The following ENTREP2 variants were observed in gnomAD, a reference collection of about 807,000 sequenced individuals.
ENTREP2 encodes endosomal transmembrane epsin interactor 2.
chr15:29,526,699 G>A, the ENTREP2 span, among the ~76,000 whole-genome samples: 1 of 151,588 alleles, frequency 6.6e-6, no homozygotes, highest in East Asian at 1.9e-4. Flanking sequence ...CAAACTCCTG[G>A]GCCATAGCAA....
the ENTREP2 span, among the ~76,000 whole-genome samples, chr15:29,600,471 A>ATCATCATC: frequency 1.8e-5 from 2 of 109,780 alleles, no homozygotes; most frequent in African/African-American, 6.4e-5. Context: ...CATCATCATC[A>ATCATCATC]ATCATCATCA....
At chr15:29,332,092 A>G in the ENTREP2 span, among the ~76,000 whole-genome samples, 1 of 152,224 alleles carries the variant, frequency 6.6e-6, no homozygotes, top group African/African-American at 2.4e-5. Flanking sequence ...GCACTGCTCA[A>G]TAGGCAAAAC....
chr15:29,548,764 TC>T, the ENTREP2 span, among the ~76,000 whole-genome samples: 6 of 152,320 alleles, frequency 3.9e-5, 1 homozygote, highest in East Asian at 1.2e-3. Context: ...GTTATATTTT[TC>T]ATCATAAGAG....
chr15:29,275,765 T>C, the ENTREP2 span, among the ~76,000 whole-genome samples: 1 of 152,200 alleles, frequency 6.6e-6, no homozygotes, highest in Non-Finnish European at 1.5e-5. Context: ...TTCTTGTGAA[T>C]CAGAAAAAGG....
the ENTREP2 span, among the ~76,000 whole-genome samples, chr15:29,518,402 T>C: frequency 6.6e-3 from 1,008 of 152,192 alleles, 7 homozygotes; most frequent in African/African-American, 0.023. Context: ...ATTCATAAAT[T>C]TTCACAACAA....
At chr15:29,570,531 A>G in the ENTREP2 span, 1 of 1,453,094 alleles carries the variant, frequency 6.9e-7, no homozygotes, top group Non-Finnish European at 9.1e-7. Flanking sequence ...AAGGGGCAGG[A>G]GTGGCGGACG....
At chr15:29,231,885 C>CTTTTTTTTTTTTTTTTTT in the ENTREP2 span, among the ~76,000 whole-genome samples, 11 of 129,974 alleles carry the variant, frequency 8.5e-5, 1 homozygote, top group East Asian at 1.2e-3. Context: ...GTTTTCTTTT[C>CTTTTTTTTTTTTTTTTTT]TTTTCTTTCT....
At chr15:29,493,122 AC>A in the ENTREP2 span, among the ~76,000 whole-genome samples, 123 of 125,748 alleles carry the variant, frequency 9.8e-4, 1 homozygote, top group African/African-American at 3.8e-3. Context: ...TTCCCTGACA[AC>A]CCTTTTTTTT....
the ENTREP2 span, among the ~76,000 whole-genome samples, chr15:29,345,427 G>A: frequency 6.6e-6 from 1 of 151,888 alleles, no homozygotes; most frequent in Non-Finnish European, 1.5e-5. Flanking sequence ...AGGGATGCTG[G>A]GCAAGCACAC....
the ENTREP2 span, among the ~76,000 whole-genome samples, chr15:29,572,015 A>G: frequency 6.6e-6 from 1 of 152,236 alleles, no homozygotes. Flanking sequence ...TAGAGAGTGT[A>G]GTCCCAAAAT....
chr15:29,636,230 C>T, the ENTREP2 span, among the ~76,000 whole-genome samples: 2 of 152,196 alleles, frequency 1.3e-5, no homozygotes, highest in African/African-American at 2.4e-5. Flanking sequence ...ATTTTCTCCT[C>T]CCCTCATGCC....
the ENTREP2 span, among the ~76,000 whole-genome samples, chr15:29,548,381 G>A: frequency 6.7e-6 from 1 of 150,252 alleles, no homozygotes; most frequent in Non-Finnish European, 1.5e-5. Context: ...GCTTAAACTT[G>A]GGAGACAGAG....
the ENTREP2 span, among the ~76,000 whole-genome samples, chr15:29,223,583 C>T: frequency 1.3e-5 from 2 of 152,190 alleles, no homozygotes; most frequent in African/African-American, 4.8e-5. Flanking sequence ...TAAAAATGAG[C>T]TATAAATCCG....
chr15:29,471,081 G>GT, the ENTREP2 span, among the ~76,000 whole-genome samples: 4 of 152,142 alleles, frequency 2.6e-5, no homozygotes, highest in Admixed American at 6.5e-5. Context: ...CAATGCACTG[G>GT]TTTTTTATAG....
At chr15:29,337,365 C>T in the ENTREP2 span, among the ~76,000 whole-genome samples, 1 of 152,092 alleles carries the variant, frequency 6.6e-6, no homozygotes, top group Non-Finnish European at 1.5e-5. Flanking sequence ...AGCTCCACCT[C>T]AGAGAGCTGG....
the ENTREP2 span, among the ~76,000 whole-genome samples, chr15:29,601,295 G>T: frequency 1.3e-5 from 2 of 152,136 alleles, no homozygotes; most frequent in Non-Finnish European, 2.9e-5. Context: ...CAGTAAAACT[G>T]ATATTTGATT....
chr15:29,457,851 C>G, the ENTREP2 span, among the ~76,000 whole-genome samples: 1 of 152,138 alleles, frequency 6.6e-6, no homozygotes, highest in Non-Finnish European at 1.5e-5. Context: ...CAAATAAGAA[C>G]ACTGCAGGCC....
the ENTREP2 span, among the ~76,000 whole-genome samples, chr15:29,462,565 G>A: frequency 6.6e-6 from 1 of 152,014 alleles, no homozygotes; most frequent in African/African-American, 2.4e-5. Context: ...AGCCAAGGTC[G>A]CACCACTGCA....
At chr15:29,202,674 C>G in the ENTREP2 span, among the ~76,000 whole-genome samples, 1 of 152,072 alleles carries the variant, frequency 6.6e-6, no homozygotes, top group East Asian at 1.9e-4. Flanking sequence ...TGTGATATTC[C>G]CCTCCCTGTG....
Sources: allele counts gnomAD v4.1 joint callset (sites outside exome capture counted in the v4.1 genomes callset), GRCh38; gene constraint gnomAD v4.1.1; transcripts MANE v1.5; gene names NCBI Gene and HGNC (gene_info 2026-07-23, HGNC 2026-07-21).